NKAIN1: variants seen among roughly 807,000 people sequenced by gnomAD.
The protein encoded by NKAIN1 is sodium/potassium-transporting ATPase subunit beta-1-interacting protein 1.
In NKAIN1, 13 loss-of-function variants were observed where a neutral mutation model predicts 31.6. The observed-to-expected ratio is 0.41, with a 90% confidence interval of 0.27 to 0.65. The LOEUF (loss-of-function observed/expected upper bound fraction) is 0.65, where lower values mean the gene tolerates loss of function less well. Ranked by LOEUF, NKAIN1 falls within the 30% of genes least tolerant of loss-of-function variation. The pLI is 0.30. For synonymous variants in NKAIN1, 104 were observed against 109.0 expected (o/e 0.95, Z 0.28); for missense variants, 193 against 262.2 (o/e 0.74, Z 1.82).
chr1:31,188,297 T>C (rs2124166729), intron 1 of NKAIN1, 110 bp from the exon 2 acceptor site: 1 of 1,231,254 alleles, frequency 8.1e-7, no homozygotes, highest in East Asian at 2.5e-5. Flanking sequence ...TGATGAGGCA[T>C]AAGCCTCAGA....
At chr1:31,227,956 G>C (rs1267902763) in intron 1 of NKAIN1, among the ~76,000 whole-genome samples, 1 of 152,174 alleles carries the variant, frequency 6.6e-6, no homozygotes, top group East Asian at 1.9e-4. Context: ...CTCCACTCCA[G>C]TGCTGGCTGT....
rs180770732 is a variant in NKAIN1, at chr1:31,197,824, G to C, written c.55-9637C>G. Among the ~76,000 whole-genome samples the C allele has an allele frequency of 5.4e-3, 820 of 152,264 alleles. 5 individuals carry two copies. The highest frequency in any genetic ancestry group is 0.019 in the African/African-American group (769 of 41,550). On this transcript the variant is annotated intron_variant, in intron 1 of 6. Transcript: ENST00000373736. ...GGCCTCCCAAAGTGTTGGGATTACA[G>C]GCATGAGCCACTGCACCTGGTGGTT...
chr1:31,196,405 C>A (rs977402410), intron 1 of NKAIN1, among the ~76,000 whole-genome samples: 1 of 147,934 alleles, frequency 6.8e-6, no homozygotes, highest in Non-Finnish European at 1.5e-5. Context: ...CCCAGCTACT[C>A]GGGAGGCTGA....
chr1:31,213,992 T>TAA (rs1645490102), intron 1 of NKAIN1, among the ~76,000 whole-genome samples: 1 of 72,740 alleles, frequency 1.4e-5, no homozygotes, highest in African/African-American at 4.1e-5. Context: ...AGCCCCTGTC[T>TAA]CAAAAAAAGA....
At chr1:31,200,044 C>T (rs2377723) in intron 1 of NKAIN1, among the ~76,000 whole-genome samples, 3,702 of 39,078 alleles carry the variant, frequency 0.095, 53 homozygotes, top group Middle Eastern at 0.45. Context: ...CACACATGCA[C>T]ACGTGCACAC....
At chr1:31,225,724 C>CG (rs1553164018) in intron 1 of NKAIN1, among the ~76,000 whole-genome samples, 19 of 151,992 alleles carry the variant, frequency 1.3e-4, no homozygotes, top group Non-Finnish European at 2.5e-4. Flanking sequence ...TTAAGATGTC[C>CG]GGGGGGACTC....
intron 1 of NKAIN1, among the ~76,000 whole-genome samples, chr1:31,189,589 T>C (rs112492953): frequency 1.6e-3 from 248 of 152,320 alleles, no homozygotes; most frequent in African/African-American, 5.6e-3. Flanking sequence ...AGTGCTGGGA[T>C]TATAGGCGTG....
chr1:31,235,126 A>G (rs891503414), intron 1 of NKAIN1, among the ~76,000 whole-genome samples: 1 of 152,180 alleles, frequency 6.6e-6, no homozygotes, highest in African/African-American at 2.4e-5. Flanking sequence ...TGCTTAGCAC[A>G]GGACTCCTGA....
intron 3 of NKAIN1, 181 bp downstream of exon 3, chr1:31,185,066 T>A: frequency 5.0e-6 from 3 of 605,172 alleles, no homozygotes; most frequent in Non-Finnish European, 9.1e-6. Flanking sequence ...CATCATTGTG[T>A]TTGAGGAAGC....
rs553775280 is a variant in NKAIN1, at chr1:31,185,456, C to T, written c.193-129G>A. 73 of 713,410 alleles carry T rather than the reference C, an allele frequency of 1.0e-4. No homozygotes were observed. In the African/African-American group the frequency reaches 1.2e-3, roughly 12 times the overall value. The allele number at this position is 713,410 out of a possible 1,614,324, so 44.2% of individuals were successfully genotyped here. ...TTATGAGAATACCTCACTCAGAGAGCACAGTGTAGCTTACAAATCATTTAC... is the reference window on the plus strand; with the variant it reads ...TTATGAGAATACCTCACTCAGAGAGTACAGTGTAGCTTACAAATCATTTAC... On this transcript the variant is annotated intron_variant, in intron 2 of 6. Transcript: ENST00000373736.
intron 1 of NKAIN1, among the ~76,000 whole-genome samples, chr1:31,202,975 T>TAAA (rs34702847): frequency 0.072 from 7,474 of 104,528 alleles, 456 homozygotes; most frequent in Admixed American, 0.14. Context: ...GATTCCGTCT[T>TAAA]AAAAAAAAAA....
intron 1 of NKAIN1, among the ~76,000 whole-genome samples, chr1:31,223,762 T>C (rs1218600092): frequency 6.6e-6 from 1 of 152,240 alleles, no homozygotes; most frequent in African/African-American, 2.4e-5. Context: ...GTACTGTTAT[T>C]ATTACCATTA....
chr1:31,199,105 G>C (rs1272468421), intron 1 of NKAIN1, among the ~76,000 whole-genome samples: 2 of 152,232 alleles, frequency 1.3e-5, no homozygotes, highest in South Asian at 2.1e-4. Context: ...TCTGGGGAAA[G>C]ATGAGGGATG....
chr1:31,218,653 G>C (rs928409692), intron 1 of NKAIN1, among the ~76,000 whole-genome samples: 1 of 152,182 alleles, frequency 6.6e-6, no homozygotes, highest in African/African-American at 2.4e-5. Flanking sequence ...GAGTTGATCA[G>C]GTGCATCAAG....
chr1:31,204,430 C>T (rs1479703864), intron 1 of NKAIN1, among the ~76,000 whole-genome samples: 1 of 152,142 alleles, frequency 6.6e-6, no homozygotes, highest in Non-Finnish European at 1.5e-5. Context: ...CTTGTCAATT[C>T]CTACTCTACT....
At chr1:31,226,901 G>A (rs924112210) in intron 1 of NKAIN1, among the ~76,000 whole-genome samples, 1 of 151,954 alleles carries the variant, frequency 6.6e-6, no homozygotes, top group Non-Finnish European at 1.5e-5. Context: ...TCGTCTCACT[G>A]CAACCTCTGC....
intron 1 of NKAIN1, among the ~76,000 whole-genome samples, chr1:31,218,022 TTCTTTC>T (rs1260201337): frequency 2.0e-4 from 17 of 84,164 alleles, no homozygotes; most frequent in African/African-American, 1.1e-3. Context: ...ACCATTTTCT[TTCTTTC>T]TTTCTTTCTT....
At chr1:31,185,630 G>A (rs1187120522) in intron 2 of NKAIN1, among the ~76,000 whole-genome samples, 4 of 152,174 alleles carry the variant, frequency 2.6e-5, no homozygotes. Flanking sequence ...TTCTCTGATA[G>A]CTAATCCCAT....
At chr1:31,232,275 G>C (rs1645655655) in intron 1 of NKAIN1, among the ~76,000 whole-genome samples, 1 of 147,864 alleles carries the variant, frequency 6.8e-6, no homozygotes, top group Non-Finnish European at 1.5e-5. Context: ...ATTTTTAGTA[G>C]AGACAGGGTT....
Sources: allele counts gnomAD v4.1 joint callset (sites outside exome capture counted in the v4.1 genomes callset), GRCh38; gene constraint gnomAD v4.1.1; transcripts MANE v1.5; gene names NCBI Gene and HGNC (gene_info 2026-07-23, HGNC 2026-07-21).